The following ZBTB20 variants were observed in gnomAD, a reference collection of about 807,000 sequenced individuals.
ZBTB20 encodes zinc finger and BTB domain-containing protein 20.
Under a neutral mutation model 56.9 loss-of-function variants are expected in ZBTB20, and 9 were observed. That is an observed-to-expected ratio of 0.16 (90% confidence interval 0.10 to 0.28). The LOEUF (loss-of-function observed/expected upper bound fraction) is 0.28. Among genes scored for constraint, ZBTB20 ranks in the 10% least tolerant of loss-of-function variants. The pLI, the probability that ZBTB20 is intolerant of heterozygous loss-of-function variation, is 1.00. For missense variants in ZBTB20, 655 were observed against 1,003.0 expected, an observed-to-expected ratio of 0.65 and a Z score of 4.69; for synonymous variants, 417 against 420.7, an observed-to-expected ratio of 0.99 and a Z score of 0.11.
intron 4 of ZBTB20, among the ~76,000 whole-genome samples, chr3:114,816,303 AT>A (rs1471489513): frequency 1.3e-5 from 2 of 152,192 alleles, no homozygotes; most frequent in African/African-American, 4.8e-5. Context: ...ATTTATTTAC[AT>A]TTTAATAAGA....
chr3:114,514,277 C>T (rs2045733995), intron 6 of ZBTB20, among the ~76,000 whole-genome samples: 1 of 152,096 alleles, frequency 6.6e-6, no homozygotes, highest in Admixed American at 6.5e-5. Flanking sequence ...TTGACAACAT[C>T]AAGAGAAGGA....
chr3:114,316,523 T>TAC lies in ZBTB20; in HGVS notation c.*22480_*22481dup, dbSNP rs1325598999. 2 of 532,990 alleles carry TAC rather than the reference T, an allele frequency of 3.8e-6. No homozygotes were observed. Among genetic ancestry groups the TAC allele is most frequent in the Non-Finnish European group, 7.7e-6 (2 of 259,654 alleles). The allele number at this position is 532,990 out of a possible 1,614,324, so 33.0% of individuals were successfully genotyped here. On this transcript the variant is annotated 3_prime_UTR_variant, in exon 12 of 12. Coordinates refer to ENST00000675478, the MANE Select transcript of ZBTB20 (RefSeq NM_001348800.3). ...AATATATACACTATATATATGTGGA[T>TAC]ACATATAGGAAGTGTGTATACATTT...
intron 5 of ZBTB20, among the ~76,000 whole-genome samples, chr3:114,716,536 C>G (rs534649069): frequency 6.6e-6 from 1 of 152,266 alleles, no homozygotes; most frequent in South Asian, 2.1e-4. Context: ...ACTTGTACCC[C>G]TCCTGTGCCA....
chr3:114,901,660 T>C (rs1477018442), intron 3 of ZBTB20, among the ~76,000 whole-genome samples: 1 of 152,126 alleles, frequency 6.6e-6, no homozygotes, highest in Non-Finnish European at 1.5e-5. Context: ...AAATAAAGCA[T>C]AGCACATCTA....
At chr3:114,849,321 G>T (rs1430789358) in intron 4 of ZBTB20, among the ~76,000 whole-genome samples, 2 of 152,092 alleles carry the variant, frequency 1.3e-5, no homozygotes, top group Non-Finnish European at 2.9e-5. Context: ...GGCAATCTTT[G>T]ATACTTTATG....
intron 2 of ZBTB20, among the ~76,000 whole-genome samples, chr3:115,045,483 A>G: frequency 6.6e-6 from 1 of 152,018 alleles, no homozygotes; most frequent in South Asian, 2.1e-4. Context: ...CAAAGAAACT[A>G]CACCTTTCTA....
chr3:114,499,917 T>C (rs1389319195), intron 7 of ZBTB20, among the ~76,000 whole-genome samples: 1 of 152,220 alleles, frequency 6.6e-6, no homozygotes, highest in Non-Finnish European at 1.5e-5. Flanking sequence ...AGAAATTTTG[T>C]CAATAAATGA....
At chr3:114,544,429 C>A (rs2049523685) in intron 6 of ZBTB20, among the ~76,000 whole-genome samples, 1 of 78,212 alleles carries the variant, frequency 1.3e-5, no homozygotes, top group Admixed American at 1.3e-4. Context: ...TTCTTTCTTT[C>A]TTTCTTTCTT....
Position 114,316,175 on chromosome 3 carries a change from G to T in ZBTB20, c.*22830C>A, listed in dbSNP as rs1351311979. 1.2e-5 allele frequency: 3 copies of T among 250,822 alleles called. No homozygotes were observed. Among genetic ancestry groups the T allele is most frequent in the East Asian group, 1.7e-4 (1 of 5,772 alleles). The allele number at this position is 250,822 out of a possible 1,614,324, so 15.5% of individuals were successfully genotyped here. On this transcript the variant is annotated 3_prime_UTR_variant, in exon 12 of 12. Coordinates refer to ENST00000675478, the MANE Select transcript of ZBTB20 (RefSeq NM_001348800.3). ...TGAAATCAAATCAACATGACTAAAA[G>T]AAATAACTGATGAAATGGTATATAG...
chr3:114,690,372 C>T (rs2062627551), intron 6 of ZBTB20, among the ~76,000 whole-genome samples: 2 of 152,080 alleles, frequency 1.3e-5, no homozygotes, highest in African/African-American at 2.4e-5. Flanking sequence ...ATAGTTACAT[C>T]CTGAATTTCT....
At chr3:114,402,057 C>T (rs2086868181) in intron 7 of ZBTB20, among the ~76,000 whole-genome samples, 1 of 152,088 alleles carries the variant, frequency 6.6e-6, no homozygotes, top group African/African-American at 2.4e-5. Context: ...TTACAGATGG[C>T]AATCACATCC....
chr3:115,078,435 A>G (rs138570078), intron 1 of ZBTB20, among the ~76,000 whole-genome samples: 2 of 152,168 alleles, frequency 1.3e-5, no homozygotes, highest in East Asian at 3.9e-4. Context: ...TCCACAAGTA[A>G]CTAAAGTTTT....
intron 8 of ZBTB20, among the ~76,000 whole-genome samples, chr3:114,385,665 G>A (rs1016950900): frequency 4.6e-5 from 7 of 152,064 alleles, no homozygotes; most frequent in Non-Finnish European, 1.0e-4. Context: ...TCAAGTGATC[G>A]AGACAATCCT....
intron 7 of ZBTB20, among the ~76,000 whole-genome samples, chr3:114,494,744 T>A (rs2043094684): frequency 6.6e-6 from 1 of 152,244 alleles, no homozygotes; most frequent in Admixed American, 6.5e-5. Flanking sequence ...AAGGTTTGAC[T>A]GAAGGGAAGA....
chr3:114,476,024 A>G (rs1332610762), intron 7 of ZBTB20, among the ~76,000 whole-genome samples: 1 of 152,180 alleles, frequency 6.6e-6, no homozygotes, highest in African/African-American at 2.4e-5. Flanking sequence ...CATGATATAC[A>G]ATTTAGAAAA....
intron 6 of ZBTB20, among the ~76,000 whole-genome samples, chr3:114,619,027 G>A (rs538782612): frequency 3.9e-5 from 6 of 152,250 alleles, no homozygotes; most frequent in African/African-American, 1.4e-4. Flanking sequence ...GCCCTTCGGA[G>A]TGGTTTGTAC....
chr3:114,433,984 G>A (rs1045031680), intron 7 of ZBTB20, among the ~76,000 whole-genome samples: 1 of 152,136 alleles, frequency 6.6e-6, no homozygotes, highest in South Asian at 2.1e-4. Context: ...CTCACACTGG[G>A]TCACCCCATA....
At chr3:115,029,644 T>C (rs1255958351) in intron 2 of ZBTB20, among the ~76,000 whole-genome samples, 2 of 150,808 alleles carry the variant, frequency 1.3e-5, no homozygotes, top group Non-Finnish European at 3.0e-5. Context: ...GGGAAAAACA[T>C]AGATTTTTTT....
intron 6 of ZBTB20, among the ~76,000 whole-genome samples, chr3:114,587,659 A>C (rs1225915499): frequency 2.0e-5 from 3 of 152,252 alleles, no homozygotes; most frequent in Non-Finnish European, 4.4e-5. Flanking sequence ...CACCATAAAT[A>C]TGTAAGCTGC....
Sources: gnomAD v4.1 joint callset for allele counts (sites outside exome capture counted in the v4.1 genomes callset) on GRCh38, gnomAD v4.1.1 for gene constraint, MANE v1.5 for transcripts, NCBI Gene and HGNC (gene_info 2026-07-23, HGNC 2026-07-21) for gene names.